Variants in PTPRQ observed in about 807,000 individuals in gnomAD.
The protein encoded by PTPRQ is phosphatidylinositol phosphatase PTPRQ.
Under a neutral mutation model 246.0 loss-of-function variants are expected in PTPRQ, and 199 were observed. That is an observed-to-expected ratio of 0.81 (90% CI 0.72 to 0.91). The LOEUF is 0.91. PTPRQ is among the 40% of genes least tolerant of loss of function. The pLI is 0.00. For missense variants in PTPRQ, 2,624 were observed against 2,528.4 expected (o/e 1.04, Z -0.81); for synonymous variants, 869 against 853.2 (o/e 1.02, Z -0.32).
At chr12:80,540,339 C>T (rs571393264) in intron 20 of PTPRQ, among the ~76,000 whole-genome samples, 6 of 152,220 alleles carry the variant, frequency 3.9e-5, no homozygotes, top group African/African-American at 1.2e-4. Context: ...TGCAGCACAT[C>T]TCTTCTCACT....
intron 32 of PTPRQ, 99 bp downstream of exon 32, chr12:80,620,475 G>A (rs1898939626): frequency 1.3e-6 from 2 of 1,488,608 alleles, no homozygotes; most frequent in Non-Finnish European, 1.8e-6. Context: ...AATAAGCACT[G>A]GATGTCCGCC....
At chr12:80,477,973 A>G (rs923109261) in intron 8 of PTPRQ, among the ~76,000 whole-genome samples, 23 of 152,374 alleles carry the variant, frequency 1.5e-4, no homozygotes, top group Admixed American at 2.6e-4. Flanking sequence ...GCCATTGCCC[A>G]GGCTTGCTTA....
intron 17 of PTPRQ, among the ~76,000 whole-genome samples, chr12:80,519,645 C>A (rs1179704819): frequency 6.6e-6 from 1 of 152,144 alleles, no homozygotes; most frequent in African/African-American, 2.4e-5. Context: ...GGTCCTGACA[C>A]ATGTGTATTG....
At position 80,546,600 on chromosome 12, in the gene PTPRQ, A is replaced by C; in HGVS notation, c.3918A>C (p.Glu1306Asp). 2 of 1,550,138 alleles carry C rather than the reference A, an allele frequency of 1.3e-6. No individual in the cohort carries two copies. The highest frequency in any genetic ancestry group is 2.7e-5 in the African/African-American group (2 of 73,108). ...CTGAAGCCAAACTTGTTGGACTGGA[A>C]CCAGTCAGCACCTACTCTATCCGTG... ...FKTEAKLVGL[E>D]PVSTYSIRVS... Residue 1306 changes from glutamate to aspartate, a missense_variant, in exon 24 of 45, where the codon GAA becomes GAC. Transcript: ENST00000644991.
intron 22 of PTPRQ, 47 bp from the exon 23 acceptor site, chr12:80,542,683 T>C (rs1018103110): frequency 5.3e-6 from 8 of 1,507,496 alleles, no homozygotes; most frequent in East Asian, 5.1e-5. Context: ...GCTATTTTTA[T>C]GTTAAAAGTT....
chr12:80,591,489 AAT>A (rs1320804107), intron 26 of PTPRQ, among the ~76,000 whole-genome samples: 4 of 152,120 alleles, frequency 2.6e-5, no homozygotes, highest in African/African-American at 7.2e-5. Context: ...ATATTCCCTG[AAT>A]GAGAGAAATT....
At chr12:80,614,391 G>T (rs1222676411) in intron 29 of PTPRQ, among the ~76,000 whole-genome samples, 1 of 150,582 alleles carries the variant, frequency 6.6e-6, no homozygotes, top group Non-Finnish European at 1.5e-5. Context: ...CCTACTTTTA[G>T]ATCATCTTGA....
intron 8 of PTPRQ, among the ~76,000 whole-genome samples, chr12:80,480,866 A>T (rs1894020919): frequency 6.6e-6 from 1 of 152,230 alleles, no homozygotes; most frequent in Admixed American, 6.5e-5. Context: ...AGGCTCTGAA[A>T]TTGTGGCAAT....
Position 80,493,311 on chromosome 12 carries a change from A to C in PTPRQ, c.1396A>C (p.Ile466Leu). 1.9e-6 allele frequency: 3 copies of C among 1,544,960 alleles called. No individual in the cohort carries two copies. The highest frequency in any genetic ancestry group is 2.6e-6 in the Non-Finnish European group (3 of 1,143,912). Residue 466 changes from isoleucine to leucine, a missense_variant, in exon 10 of 45, where the codon ATA becomes CTA. By Grantham distance (5) the Ile-to-Leu change is conservative (BLOSUM62 2). Transcript: ENST00000644991. Reference sequence around the variant, plus strand: ...CCCCATGGCTCCAGAAATTGTGAACATAGTAGAGCCAATGGTAGGATTATA... The same window carrying C: ...CCCCATGGCTCCAGAAATTGTGAACCTAGTAGAGCCAATGGTAGGATTATA... ...NDPMAPEIVN[I>L]VEPMVGLYEG...
intron 25 of PTPRQ, among the ~76,000 whole-genome samples, chr12:80,552,675 A>G (rs1392826172): frequency 8.4e-6 from 1 of 118,982 alleles, no homozygotes; most frequent in Non-Finnish European, 1.7e-5. Context: ...ATATATATAT[A>G]TATATATATA....
At chr12:80,490,478 C>T (rs543131168) in intron 9 of PTPRQ, among the ~76,000 whole-genome samples, 9 of 152,032 alleles carry the variant, frequency 5.9e-5, no homozygotes, top group Non-Finnish European at 1.3e-4. Flanking sequence ...TCCAAGAATT[C>T]CTGGGCAGCA....
At chr12:80,646,630 A>G (rs150880841) in intron 35 of PTPRQ, among the ~76,000 whole-genome samples, 2 of 152,264 alleles carry the variant, frequency 1.3e-5, no homozygotes, top group East Asian at 1.9e-4. Context: ...GTAGGAAACT[A>G]TCTCCTTGCA....
At chr12:80,653,119 G>C (rs1243779857) in intron 38 of PTPRQ, among the ~76,000 whole-genome samples, 1 of 152,042 alleles carries the variant, frequency 6.6e-6, no homozygotes, top group Non-Finnish European at 1.5e-5. Flanking sequence ...TAATGAACCT[G>C]TTTAACATCT....
chr12:80,677,296 T>C (rs1901175608), intron 43 of PTPRQ, among the ~76,000 whole-genome samples: 2 of 152,208 alleles, frequency 1.3e-5, no homozygotes, highest in South Asian at 4.1e-4. Context: ...AACACACTCT[T>C]GGAATTACCT....
At chr12:80,647,001 T>G (rs1900097737) in intron 35 of PTPRQ, among the ~76,000 whole-genome samples, 1 of 152,220 alleles carries the variant, frequency 6.6e-6, no homozygotes. Context: ...ACATTTAATG[T>G]CTCTTAGGGA....
intron 24 of PTPRQ, among the ~76,000 whole-genome samples, chr12:80,548,241 T>C (rs913086175): frequency 1.3e-5 from 2 of 151,914 alleles, no homozygotes; most frequent in Non-Finnish European, 2.9e-5. Context: ...ATATCAATGG[T>C]TAATTTTTTT....
chr12:80,655,557 C>A (rs1900403997), intron 38 of PTPRQ, among the ~76,000 whole-genome samples: 1 of 151,572 alleles, frequency 6.6e-6, no homozygotes, highest in African/African-American at 2.4e-5. Flanking sequence ...GCAAGTATAC[C>A]CCCGGTTCTC....
At chr12:80,495,466 A>C (rs763945843) in intron 12 of PTPRQ, 95 bp downstream of exon 12, 40 of 1,388,630 alleles carry the variant, frequency 2.9e-5, no homozygotes, top group Non-Finnish European at 3.6e-5. Flanking sequence ...TATATACTAC[A>C]GAACACATGC....
At chr12:80,646,465 A>G (rs910886911) in intron 35 of PTPRQ, among the ~76,000 whole-genome samples, 16 of 148,852 alleles carry the variant, frequency 1.1e-4, no homozygotes, top group African/African-American at 4.1e-4. Flanking sequence ...TGAAATGCAC[A>G]TCTTTATTAT....
Sources: gnomAD v4.1 joint callset for allele counts (sites outside exome capture counted in the v4.1 genomes callset) on GRCh38, gnomAD v4.1.1 for gene constraint, MANE v1.5 for transcripts, NCBI Gene and HGNC (gene_info 2026-07-23, HGNC 2026-07-21) for gene names.